ZBTB20: variants seen among roughly 807,000 people sequenced by gnomAD.
The protein encoded by ZBTB20 is zinc finger and BTB domain containing 20, also known as zinc finger and BTB domain-containing protein 20.
ZBTB20 carries 9 observed loss-of-function variants against 56.9 expected under a neutral mutation model. The observed-to-expected ratio is 0.16, with a 90% CI of 0.10 to 0.28. The LOEUF is 0.28. ZBTB20 is among the 10% of genes least tolerant of loss of function. The pLI, the probability that ZBTB20 is intolerant of heterozygous loss-of-function variation, is 1.00. For missense variants in ZBTB20, 655 were observed against 1,003.0 expected, an observed-to-expected ratio of 0.65 and a Z score of 4.69; for synonymous variants, 417 against 420.7, an observed-to-expected ratio of 0.99 and a Z score of 0.11.
intron 4 of ZBTB20, among the ~76,000 whole-genome samples, chr3:114,897,302 C>T (rs2074923426): frequency 6.6e-6 from 1 of 152,062 alleles, no homozygotes; most frequent in Non-Finnish European, 1.5e-5. Flanking sequence ...TTGTTGTATT[C>T]ATCTAGCCTA....
At chr3:114,383,271 A>G (rs1576501770) in intron 8 of ZBTB20, among the ~76,000 whole-genome samples, 1 of 152,344 alleles carries the variant, frequency 6.6e-6, no homozygotes, top group East Asian at 1.9e-4. Flanking sequence ...TTTATTTTTG[A>G]TATTCATAGA....
intron 4 of ZBTB20, among the ~76,000 whole-genome samples, chr3:114,818,500 T>C (rs138265793): frequency 1.4e-4 from 22 of 152,120 alleles, no homozygotes; most frequent in East Asian, 7.7e-4. Context: ...TTCTGGCATA[T>C]AGTAAGTGCT....
intron 2 of ZBTB20, among the ~76,000 whole-genome samples, chr3:115,065,692 T>C (rs1576691288): frequency 6.6e-6 from 1 of 152,156 alleles, no homozygotes; most frequent in Non-Finnish European, 1.5e-5. Context: ...GCTCTTACTA[T>C]AAAAAGGTTA....
chr3:114,752,793 C>CA (rs2067668568), intron 5 of ZBTB20, among the ~76,000 whole-genome samples: 1 of 152,140 alleles, frequency 6.6e-6, no homozygotes, highest in East Asian at 1.9e-4. Flanking sequence ...AGGCCACATA[C>CA]TATTGTTAAT....
At chr3:114,906,734 C>G (rs2075333409) in intron 3 of ZBTB20, among the ~76,000 whole-genome samples, 1 of 151,532 alleles carries the variant, frequency 6.6e-6, no homozygotes, top group African/African-American at 2.4e-5. Flanking sequence ...TGAGCTAAAA[C>G]TTCATCAAGT....
chr3:114,886,766 T>C (rs1205253169), intron 4 of ZBTB20, among the ~76,000 whole-genome samples: 1 of 152,166 alleles, frequency 6.6e-6, no homozygotes, highest in Non-Finnish European at 1.5e-5. Flanking sequence ...CATAATTCCA[T>C]GAAATTCATA....
chr3:114,849,898 CTTTTTTTTT>C (rs34170211), intron 4 of ZBTB20, among the ~76,000 whole-genome samples: 1 of 114,894 alleles, frequency 8.7e-6, no homozygotes, highest in African/African-American at 3.3e-5. Context: ...ATCAGGAAAT[CTTTTTTTTT>C]TTTTTTTTTT....
At chr3:115,121,524 G>A (rs2084181635) in intron 1 of ZBTB20, among the ~76,000 whole-genome samples, 1 of 151,910 alleles carries the variant, frequency 6.6e-6, no homozygotes, top group Non-Finnish European at 1.5e-5. Flanking sequence ...AAGAAGTCAA[G>A]AATAATGAAG....
intron 4 of ZBTB20, among the ~76,000 whole-genome samples, chr3:114,816,946 T>A (rs2072956960): frequency 6.6e-6 from 1 of 152,126 alleles, no homozygotes; most frequent in Non-Finnish European, 1.5e-5. Context: ...GTCTATCCAG[T>A]GTAGTTTCCA....
At chr3:115,007,129 G>A (rs1228377336) in intron 2 of ZBTB20, among the ~76,000 whole-genome samples, 1 of 151,764 alleles carries the variant, frequency 6.6e-6, no homozygotes, top group Non-Finnish European at 1.5e-5. Flanking sequence ...TTAAGACACT[G>A]TAATTACATT....
chr3:114,897,474 C>G (rs937633337), intron 4 of ZBTB20, among the ~76,000 whole-genome samples: 2 of 152,068 alleles, frequency 1.3e-5, no homozygotes, highest in Non-Finnish European at 1.5e-5. Flanking sequence ...ACCCTGAAAT[C>G]GCAGGGGAAC....
intron 10 of ZBTB20, chr3:114,359,217 A>G (rs1576338862): frequency 6.6e-6 from 1 of 152,154 alleles, no homozygotes. Context: ...TTGAGCATCC[A>G]CTTTATGAAA....
At chr3:114,855,600 G>A (rs1045149729) in intron 4 of ZBTB20, among the ~76,000 whole-genome samples, 2 of 152,136 alleles carry the variant, frequency 1.3e-5, no homozygotes, top group African/African-American at 4.8e-5. Flanking sequence ...GCAAGAAGGA[G>A]GTAAAGGAGA....
intron 1 of ZBTB20, among the ~76,000 whole-genome samples, chr3:115,077,909 T>C (rs2082653024): frequency 6.6e-6 from 1 of 152,210 alleles, no homozygotes; most frequent in South Asian, 2.1e-4. Context: ...CTAAAATTAG[T>C]ATCTTGAAAA....
chr3:114,804,323 T>TA (rs917733556), intron 4 of ZBTB20, among the ~76,000 whole-genome samples: 1 of 151,994 alleles, frequency 6.6e-6, no homozygotes, highest in African/African-American at 2.4e-5. Flanking sequence ...TTCTACTTTC[T>TA]AAAATCCTCA....
At chr3:114,389,922 G>A (rs1396139659) in intron 7 of ZBTB20, among the ~76,000 whole-genome samples, 1 of 147,608 alleles carries the variant, frequency 6.8e-6, no homozygotes, top group Non-Finnish European at 1.5e-5. Flanking sequence ...ATTACCTCAT[G>A]TATTTATCAC....
At chr3:114,869,516 T>C (rs1250845644) in intron 4 of ZBTB20, among the ~76,000 whole-genome samples, 1 of 152,138 alleles carries the variant, frequency 6.6e-6, no homozygotes, top group African/African-American at 2.4e-5. Context: ...TAATACTAGA[T>C]TAAGTACTGT....
At chr3:114,745,977 AG>A (rs1457973088) in intron 5 of ZBTB20, among the ~76,000 whole-genome samples, 1 of 152,206 alleles carries the variant, frequency 6.6e-6, no homozygotes, top group African/African-American at 2.4e-5. Flanking sequence ...AACAGACTTT[AG>A]TAATGAGATT....
chr3:114,501,607 CA>C (rs2043974142), intron 6 of ZBTB20, among the ~76,000 whole-genome samples: 1 of 78,794 alleles, frequency 1.3e-5, no homozygotes, highest in Admixed American at 1.7e-4. Flanking sequence ...GCCTGGGTGA[CA>C]AGAGCAAAAC....
Sources: gnomAD v4.1 joint callset for allele counts (sites outside exome capture counted in the v4.1 genomes callset) on GRCh38, gnomAD v4.1.1 for gene constraint, MANE v1.5 for transcripts, NCBI Gene and HGNC (gene_info 2026-07-23, HGNC 2026-07-21) for gene names.